Variants in CEP78 observed in about 807,000 individuals in gnomAD.
CEP78 encodes centrosomal protein of 78 kDa.
Under a neutral mutation model 81.2 loss-of-function variants are expected in CEP78, and 76 were observed. The ratio of observed to expected loss-of-function variants is 0.94; its 90% CI spans 0.78 to 1.13. The LOEUF (loss-of-function observed/expected upper bound fraction) is 1.13, where lower values mean the gene tolerates loss of function less well. CEP78 is among the 50% of genes most tolerant of loss of function. The pLI is 0.00. For missense variants in CEP78, 918 were observed against 846.8 expected (o/e 1.08, Z -1.04); for synonymous variants, 293 against 301.4 (o/e 0.97, Z 0.29).
At chr9:78,252,303 G>T (rs1029357810) in intron 9 of CEP78, among the ~76,000 whole-genome samples, 9 of 152,318 alleles carry the variant, frequency 5.9e-5, no homozygotes, top group African/African-American at 2.2e-4. Context: ...GTGCAGGTGA[G>T]AAAAGGTTTC....
rs376748563 is a variant in CEP78, at chr9:78,254,979, C to T, written c.1380+15C>T. On this transcript the variant is annotated intron_variant, in intron 11 of 16. Transcript: ENST00000643273. ...AAGCATTACAGGTACAAAGCTATCA[C>T]TTTAAAGATATGGAGAAGATCATTT... is the stretch of plus-strand genomic sequence containing the variant. 5.9e-5 allele frequency: 95 copies of T among 1,597,852 alleles called. No homozygotes were observed. Among genetic ancestry groups the T allele is most frequent in the Non-Finnish European group, 7.2e-5 (84 of 1,170,946 alleles).
rs1827674909 is a variant in CEP78 at position 78,270,826 on chromosome 9, C to A, written c.2108-15C>A. The A allele has an allele frequency of 7.3e-6, 5 of 689,064 alleles. No individual in the cohort carries two copies. In the South Asian group the frequency reaches 8.1e-5, roughly 11 times the overall value. The allele number at this position is 689,064 out of a possible 1,614,324, so 42.7% of individuals were successfully genotyped here. On this transcript the variant is annotated splice_polypyrimidine_tract_variant and intron_variant, in intron 16 of 16. Coordinates refer to ENST00000643273, the MANE Select transcript of CEP78 (RefSeq NM_001330691.3). The stretch of plus-strand genomic sequence containing the variant: ...ATTAACATGGATGACTGAACACATT[C>A]TTTTATGCTTCTAGAATCCCATTGA...
chr9:78,244,395 T>G (rs938010078), intron 5 of CEP78, among the ~76,000 whole-genome samples: 2 of 152,190 alleles, frequency 1.3e-5, no homozygotes, highest in Admixed American at 6.5e-5. Context: ...CCCAAAGTGC[T>G]GGGATTCCAG....
rs2118049834 is a variant in CEP78, at chr9:78,236,622, C to T, written c.253+19C>T. 1 of 1,518,186 alleles carries T rather than the reference C, an allele frequency of 6.6e-7. No individual in the cohort carries two copies. The highest frequency in any genetic ancestry group is 1.8e-4 in the Middle Eastern group (1 of 5,600). The allele number at this position is 1,518,186 out of a possible 1,614,324, so 94.0% of individuals were successfully genotyped here. On this transcript the variant is annotated intron_variant, in intron 1 of 16. Transcript: ENST00000643273. The stretch of plus-strand genomic sequence containing the variant: ...GACACAGGTTTGTAGTTCCCGCCTC[C>T]AGGGCCCCTCAGTCGGTGCGGCGAA...
At chr9:78,258,041 A>C (rs756680162) in intron 11 of CEP78, among the ~76,000 whole-genome samples, 7 of 152,236 alleles carry the variant, frequency 4.6e-5, no homozygotes, top group Non-Finnish European at 8.8e-5. Flanking sequence ...CGTGGTCTGT[A>C]GCTTTGATTA....
intron 15 of CEP78, 91 bp downstream of exon 15, chr9:78,265,997 G>A: frequency 1.4e-6 from 1 of 692,726 alleles, no homozygotes; most frequent in Non-Finnish European, 2.6e-6. Flanking sequence ...ATGGGAATGG[G>A]AGGGGCAAAC....
chr9:78,253,535 A>G, intron 10 of CEP78: 2 of 384,228 alleles, frequency 5.2e-6, no homozygotes, highest in Non-Finnish European at 4.7e-6. Context: ...GCCTCCAGCA[A>G]AACAAATTTG....
intron 9 of CEP78, 55 bp downstream of exon 9, chr9:78,252,098 T>C: frequency 6.9e-7 from 1 of 1,448,838 alleles, no homozygotes; most frequent in East Asian, 2.4e-5. Context: ...CAAAATTCTT[T>C]ATTTTGGAGC....
Position 78,264,329 on chromosome 9 carries a change from C to T in CEP78, c.1625+13C>T, listed in dbSNP as rs1402673448. The T allele has an allele frequency of 6.2e-7, 1 of 1,610,748 alleles. No individual in the cohort carries two copies. The highest frequency in any genetic ancestry group is 8.5e-7 in the Non-Finnish European group (1 of 1,177,936). On this transcript the variant is annotated intron_variant, in intron 13 of 16. Coordinates refer to ENST00000643273, the MANE Select transcript of CEP78 (RefSeq NM_001330691.3). ...TTAAAGATGCTGGGTTAGTTACTTT[C>T]TCCCTATGACATTCGTCCCTCCATG...
chr9:78,256,226 C>G (rs1827017198), intron 11 of CEP78, among the ~76,000 whole-genome samples: 1 of 152,160 alleles, frequency 6.6e-6, no homozygotes, highest in South Asian at 2.1e-4. Context: ...CCAGAAACAG[C>G]TCCATACACA....
At chr9:78,247,307 G>A (rs1047610054) in intron 6 of CEP78, among the ~76,000 whole-genome samples, 5 of 152,182 alleles carry the variant, frequency 3.3e-5, no homozygotes, top group Non-Finnish European at 7.4e-5. Context: ...TTAGGGGACA[G>A]CTTCACTGAA....
chr9:78,244,497 T>G (rs2118185756), intron 5 of CEP78, among the ~76,000 whole-genome samples: 1 of 152,384 alleles, frequency 6.6e-6, no homozygotes, highest in South Asian at 2.1e-4. Flanking sequence ...TAAAGACTTT[T>G]GATGCATGTC....
chr9:78,238,566 A>C (rs904454257), intron 1 of CEP78, among the ~76,000 whole-genome samples: 9 of 152,136 alleles, frequency 5.9e-5, no homozygotes, highest in Non-Finnish European at 8.8e-5. Context: ...GGAAATGATT[A>C]TTGATGTATT....
At chr9:78,247,653 T>C (rs1244711220) in intron 6 of CEP78, among the ~76,000 whole-genome samples, 4 of 152,146 alleles carry the variant, frequency 2.6e-5, no homozygotes, top group Non-Finnish European at 5.9e-5. Flanking sequence ...ATCAGATGAC[T>C]TGGTGTGGAG....
chr9:78,238,608 G>A (rs868844673), intron 1 of CEP78, among the ~76,000 whole-genome samples: 2 of 152,120 alleles, frequency 1.3e-5, no homozygotes, highest in African/African-American at 2.4e-5. Context: ...TCGTGTGCCC[G>A]GCCCTTTTCT....
At chr9:78,237,265 G>A (rs76075665) in intron 1 of CEP78, among the ~76,000 whole-genome samples, 9,609 of 152,016 alleles carry the variant, frequency 0.063, 407 homozygotes, top group Admixed American at 0.11. Context: ...ACAGGCATGA[G>A]CCACCGCGCC....
At chr9:78,262,734 G>T (rs537409010) in intron 11 of CEP78, among the ~76,000 whole-genome samples, 173 bp from the exon 12 acceptor site, 2 of 152,036 alleles carry the variant, frequency 1.3e-5, no homozygotes, top group South Asian at 4.2e-4. Context: ...GATGTTTTTG[G>T]TAATTAATTT....
intron 1 of CEP78, among the ~76,000 whole-genome samples, chr9:78,238,687 G>A (rs953106281): frequency 6.6e-6 from 1 of 152,140 alleles, no homozygotes; most frequent in Non-Finnish European, 1.5e-5. Flanking sequence ...AAATAAGTCA[G>A]ATTATTCTCT....
chr9:78,259,289 A>G (rs1304433417), intron 11 of CEP78, among the ~76,000 whole-genome samples: 2 of 152,184 alleles, frequency 1.3e-5, no homozygotes, highest in Admixed American at 6.5e-5. Context: ...ATGCATGCAT[A>G]TAAAGGAAAT....
Sources: allele counts gnomAD v4.1 joint callset (sites outside exome capture counted in the v4.1 genomes callset), GRCh38; gene constraint gnomAD v4.1.1; transcripts MANE v1.5; gene names NCBI Gene and HGNC (gene_info 2026-07-23, HGNC 2026-07-21).